Variants in FBXO46 observed in about 807,000 individuals in gnomAD.
FBXO46 encodes F-box only protein 46.
A neutral mutation model predicts 30.7 loss-of-function variants in FBXO46; 13 were observed. That is an observed-to-expected ratio of 0.42 (90% CI 0.28 to 0.67). FBXO46 has a LOEUF of 0.67. Ranked by LOEUF, FBXO46 falls within the 30% of genes least tolerant of loss-of-function variation. The probability of loss-of-function intolerance (pLI) is 0.21; values close to 1 mark genes in which losing one functional copy is unlikely to be tolerated. For synonymous variants in FBXO46, 467 were observed against 385.8 expected (o/e 1.21, Z -2.47); for missense variants, 754 against 871.5 (o/e 0.87, Z 1.70).
chr19:45,714,103 CCA>C (rs1968050921), intron 1 of FBXO46, among the ~76,000 whole-genome samples: 1 of 152,118 alleles, frequency 6.6e-6, no homozygotes, highest in Non-Finnish European at 1.5e-5. Flanking sequence ...CGCACCAACC[CCA>C]TAGGTCCTAC....
At chr19:45,714,161 T>C in intron 1 of FBXO46, among the ~76,000 whole-genome samples, 1 of 151,970 alleles carries the variant, frequency 6.6e-6, no homozygotes, top group African/African-American at 2.4e-5. Context: ...GCCTTTAAAC[T>C]GCCATAACTT....
chr19:45,711,917 C>G lies in FBXO46; in HGVS notation c.1579G>C (p.Asp527His). The G allele has an allele frequency of 6.2e-7, 1 of 1,613,590 alleles. No homozygotes were observed. Among genetic ancestry groups the G allele is most frequent in the Non-Finnish European group, 8.5e-7 (1 of 1,179,814 alleles). The change falls in exon 2 of 2, where the codon GAT becomes CAT. Residue 527 changes from aspartate (D) to histidine (H), a missense_variant. Coordinates refer to ENST00000317683, the MANE Select transcript of FBXO46 (RefSeq NM_001080469.2). ...SRWSRDPLYR[D>H]DPCKQCRKRY... ...TTGCGGCACTGTTTGCACGGATCAT[C>G]GCGGTAGAGCGGGTCTCGGCTCCAG...
chr19:45,729,940 G>A (rs1414759290), intron 1 of FBXO46, among the ~76,000 whole-genome samples: 2 of 152,086 alleles, frequency 1.3e-5, no homozygotes, highest in Admixed American at 6.6e-5. Context: ...GTCACATTCC[G>A]GGGGCGGAGA....
Position 45,714,000 on chromosome 19 carries a change from T to C in FBXO46, c.-78-427A>G, listed in dbSNP as rs1386997317. On this transcript the variant is annotated intron_variant, in intron 1 of 1. Coordinates refer to ENST00000317683, the MANE Select transcript of FBXO46 (RefSeq NM_001080469.2). The surrounding 1 kb of genome is among the most constrained non-coding windows in gnomAD (Gnocchi z 4.7). The stretch of plus-strand genomic sequence containing the variant: ...AAAAAAAAAAAAAAAAAGAACTCTA[T>C]TCCCACTGCCATGCTCAGGTGAGCA... 6.8e-6 allele frequency among the ~76,000 whole-genome samples: 1 copy of C among 147,874 alleles called. No homozygotes were observed. The highest frequency in any genetic ancestry group is 1.5e-5 in the Non-Finnish European group (1 of 66,588).
In FBXO46 at chr19:45,711,596, T is replaced by C. The variant is rs1204775741; in HGVS notation, c.*88A>G. 8 of 1,011,988 alleles carry C rather than the reference T, an allele frequency of 7.9e-6. No individual in the cohort carries two copies. Among genetic ancestry groups the C allele is most frequent in the African/African-American group, 6.4e-5 (4 of 62,870 alleles). 62.7% of individuals were successfully genotyped at this position (1,011,988 alleles called of 1,614,324 possible). A position where few individuals can be genotyped will look rare whatever the true frequency, so the allele number is the denominator to read the frequency against. Reference sequence around the variant, plus strand: ...ATCAATGCTGCCTGGAGTAGGGGAATGGGCAGGCGGCCCAGTCCGGACCCT... The same window carrying C: ...ATCAATGCTGCCTGGAGTAGGGGAACGGGCAGGCGGCCCAGTCCGGACCCT... On this transcript the variant is annotated 3_prime_UTR_variant, in exon 2 of 2. Coordinates refer to ENST00000317683, the MANE Select transcript of FBXO46 (RefSeq NM_001080469.2).
intron 1 of FBXO46, among the ~76,000 whole-genome samples, chr19:45,717,921 A>C (rs2062425492): frequency 6.6e-6 from 1 of 152,190 alleles, no homozygotes; most frequent in African/African-American, 2.4e-5. Context: ...TCAAGGCTCA[A>C]GCCGTGTAGC....
At position 45,712,715 on chromosome 19, in the gene FBXO46, T is replaced by G; in HGVS notation, c.781A>C (p.Ile261Leu). ...CGGCCGTTGGAGATGCGGAAGGCGA[T>G]GCGCACCTCCCCAGGGCCTGGCCCG... Reference protein sequence around the residue: ...RPGPGPGEVRIAFRISNGREP... With the variant: ...RPGPGPGEVRLAFRISNGREP... The change falls in exon 2 of 2, where the codon ATC (isoleucine) becomes CTC (leucine). Residue 261 changes from isoleucine (I) to leucine (L), a missense_variant. Transcript: ENST00000317683. This position sits in a 1 kb window ranked among gnomAD's most constrained non-coding sequence, Gnocchi z 8.8. The G allele has an allele frequency of 6.2e-7, 1 of 1,612,536 alleles. No individual in the cohort carries two copies. The highest frequency in any genetic ancestry group is 1.7e-5 in the Admixed American group (1 of 59,928).
chr19:45,711,636 A>C lies in FBXO46; in HGVS notation c.*48T>G. On this transcript the variant is annotated 3_prime_UTR_variant, in exon 2 of 2. Transcript: ENST00000317683. Reference sequence around the variant, plus strand: ...GTCCGGACCCTCGGCTCCCGGGGGGAGAGGGGAGGGGTGGGCGTGGTGGGC... The same window carrying C: ...GTCCGGACCCTCGGCTCCCGGGGGGCGAGGGGAGGGGTGGGCGTGGTGGGC... The C allele has an allele frequency of 7.1e-7, 1 of 1,400,308 alleles. No individual in the cohort carries two copies. The highest frequency in any genetic ancestry group is 9.8e-7 in the Non-Finnish European group (1 of 1,024,182). 86.7% of individuals were successfully genotyped at this position (1,400,308 alleles called of 1,614,324 possible). A position where few individuals can be genotyped will look rare whatever the true frequency, so the allele number is the denominator to read the frequency against.
chr19:45,731,641 T>A (rs2146166310), upstream of FBXO46, among the ~76,000 whole-genome samples: 1 of 151,396 alleles, frequency 6.6e-6, no homozygotes, highest in South Asian at 2.1e-4. Flanking sequence ...ACCTCCTGAT[T>A]TACAAATGAG....
chr19:45,729,073 C>T (rs1968275621), intron 1 of FBXO46, among the ~76,000 whole-genome samples: 1 of 151,664 alleles, frequency 6.6e-6, no homozygotes. Flanking sequence ...TTGCACTCCG[C>T]CTGGGCAACA....
At chr19:45,716,492 C>CA (rs1968092186) in intron 1 of FBXO46, 1 of 152,260 alleles carries the variant, frequency 6.6e-6, no homozygotes, top group African/African-American at 2.4e-5. Flanking sequence ...GGCCGAATCT[C>CA]AGTCAATCTC....
At chr19:45,716,764 C>T (rs1968096196) in intron 1 of FBXO46, 1 of 152,124 alleles carries the variant, frequency 6.6e-6, no homozygotes, top group African/African-American at 2.4e-5. Context: ...ACTGCACGCT[C>T]GCTGCGAGCT....
chr19:45,724,345 G>C (rs1968211237), intron 1 of FBXO46, among the ~76,000 whole-genome samples: 1 of 152,172 alleles, frequency 6.6e-6, no homozygotes, highest in East Asian at 1.9e-4. Context: ...AGGCCAAGCT[G>C]GCATAAGGGG....
At chr19:45,720,705 ACC>A (rs1968158054) in intron 1 of FBXO46, among the ~76,000 whole-genome samples, 1 of 151,792 alleles carries the variant, frequency 6.6e-6, no homozygotes, top group African/African-American at 2.4e-5. Context: ...GCAATCCTCC[ACC>A]TTGGCCTCCC....
In FBXO46 at chr19:45,711,448, A is replaced by G; in HGVS notation, c.*236T>C. The G allele has an allele frequency of 2.9e-6, 2 of 679,710 alleles. No homozygotes were observed. Among genetic ancestry groups the G allele is most frequent in the Non-Finnish European group, 5.4e-6 (2 of 373,098 alleles). 42.1% of individuals were successfully genotyped at this position (679,710 alleles called of 1,614,324 possible). On this transcript the variant is annotated 3_prime_UTR_variant, in exon 2 of 2. Transcript: ENST00000317683. Reference sequence around the variant, plus strand: ...GAAGAAAGTGAGATGCTGATAAAAAAAAAAAAAACACCCTTCTCAGAGGGT... The same window carrying G: ...GAAGAAAGTGAGATGCTGATAAAAAGAAAAAAAACACCCTTCTCAGAGGGT...
chr19:45,711,326 G>A lies in FBXO46; in HGVS notation c.*358C>T, dbSNP rs1169972835. The A allele has an allele frequency of 1.1e-5, 5 of 471,812 alleles. No individual in the cohort carries two copies. In the Admixed American group the frequency reaches 1.2e-4, roughly 11 times the overall value. The allele number at this position is 471,812 out of a possible 1,614,324, so 29.2% of individuals were successfully genotyped here. A position where few individuals can be genotyped will look rare whatever the true frequency, so the allele number is the denominator to read the frequency against. On this transcript the variant is annotated 3_prime_UTR_variant, in exon 2 of 2. Transcript: ENST00000317683. The stretch of plus-strand genomic sequence containing the variant: ...GAGAGGATGGGGGCCAGAATGGGGG[G>A]ACCCTTAAGTGGTACCAAAATTAGC...
intron 1 of FBXO46, among the ~76,000 whole-genome samples, chr19:45,718,811 C>A (rs185446361): frequency 6.6e-6 from 1 of 152,110 alleles, no homozygotes; most frequent in East Asian, 1.9e-4. Flanking sequence ...GGTCAGCCTT[C>A]AGCAACTACT....
At chr19:45,722,597 C>T (rs980692534) in intron 1 of FBXO46, among the ~76,000 whole-genome samples, 3 of 152,002 alleles carry the variant, frequency 2.0e-5, no homozygotes, top group Non-Finnish European at 2.9e-5. Context: ...CCCGTTTCTA[C>T]TAAAAATACA....
intron 1 of FBXO46, among the ~76,000 whole-genome samples, chr19:45,728,060 C>T (rs1968262916): frequency 6.6e-6 from 1 of 152,204 alleles, no homozygotes. Flanking sequence ...CCTCAGGCTC[C>T]TGAGTAGCTG....
Sources: gnomAD v4.1 joint callset for allele counts (sites outside exome capture counted in the v4.1 genomes callset) on GRCh38, gnomAD v4.1.1 for gene constraint, Gnocchi (gnomAD v3.1) non-coding constraint, MANE v1.5 for transcripts, NCBI Gene and HGNC (gene_info 2026-07-23, HGNC 2026-07-21) for gene names.